Variants in RIMS2 observed in about 807,000 individuals in gnomAD.
The protein encoded by RIMS2 is regulating synaptic membrane exocytosis protein 2.
A neutral mutation model predicts 174.4 loss-of-function variants in RIMS2; 59 were observed. The ratio of observed to expected loss-of-function variants is 0.34; its 90% CI spans 0.27 to 0.42. The LOEUF (loss-of-function observed/expected upper bound fraction) is 0.42, where lower values mean the gene tolerates loss of function less well. RIMS2 is among the 10% of genes least tolerant of loss of function. The pLI is 1.00. For missense variants in RIMS2, 1,620 were observed against 1,666.3 expected (o/e 0.97, Z 0.48); for synonymous variants, 606 against 572.5 (o/e 1.06, Z -0.84).
chr8:103,940,817 A>C (rs2082351615), intron 13 of RIMS2, among the ~76,000 whole-genome samples: 1 of 150,800 alleles, frequency 6.6e-6, no homozygotes, highest in South Asian at 2.1e-4. Context: ...CGGAGCTTGC[A>C]GTGAGCCAGG....
chr8:103,760,046 G>A (rs1001820435), intron 2 of RIMS2, among the ~76,000 whole-genome samples: 1 of 152,206 alleles, frequency 6.6e-6, no homozygotes, highest in Admixed American at 6.5e-5. Flanking sequence ...TCTGGCAAGT[G>A]TGCTGTTGAC....
At chr8:103,718,547 G>C (rs2097402346) in intron 2 of RIMS2, among the ~76,000 whole-genome samples, 1 of 152,090 alleles carries the variant, frequency 6.6e-6, no homozygotes. Context: ...TGAAACTTTG[G>C]GATTACCTCC....
At chr8:103,907,435 G>A (rs1036140677) in intron 4 of RIMS2, among the ~76,000 whole-genome samples, 3 of 152,166 alleles carry the variant, frequency 2.0e-5, no homozygotes, top group Admixed American at 6.5e-5. Context: ...TATTTGATAA[G>A]TAAAAATCAT....
intron 19 of RIMS2, among the ~76,000 whole-genome samples, chr8:104,110,278 A>G (rs1294511311): frequency 6.6e-6 from 1 of 152,140 alleles, no homozygotes; most frequent in Non-Finnish European, 1.5e-5. Context: ...GGTTCCTTCC[A>G]CTTCACTGCA....
chr8:103,559,064 T>TTTTTTTTTTTTTTTTTTTTTTTTTC (rs1587729433), intron 1 of RIMS2: 1 of 146,656 alleles, frequency 6.8e-6, no homozygotes, highest in African/African-American at 2.5e-5. Context: ...AACTTTTTTT[T>TTTTTTTTTTTTTTTTTTTTTTTTTC]TTTTGCTCTC....
intron 19 of RIMS2, among the ~76,000 whole-genome samples, chr8:104,089,562 A>G (rs1236199433): frequency 6.6e-6 from 1 of 151,822 alleles, no homozygotes; most frequent in Non-Finnish European, 1.5e-5. Flanking sequence ...CTCACTGTCC[A>G]GATTTCTCAT....
rs55909886 is a variant in RIMS2, at chr8:103,933,288, G to GACACACACACAC, written c.2375+1931_2375+1942dup. ...AGCCTGGGCAACAGATCGAGACTCT[G>GACACACACACAC]ACACACACACACACACACACACACA... is the stretch of plus-strand genomic sequence containing the variant. On this transcript the variant is annotated intron_variant, in intron 12 of 23. Transcript: ENST00000504942. Among the ~76,000 whole-genome samples the GACACACACACAC allele has an allele frequency of 7.3e-3, 873 of 119,700 alleles. 11 individuals carry two copies. The highest frequency in any genetic ancestry group is 0.015 in the African/African-American group (414 of 28,272). The allele number at this position is 119,700 out of a possible 152,430, so 78.5% of individuals were successfully genotyped here.
intron 1 of RIMS2, among the ~76,000 whole-genome samples, chr8:103,593,714 C>G (rs564343282): frequency 7.9e-4 from 120 of 151,328 alleles, no homozygotes; most frequent in African/African-American, 2.7e-3. Flanking sequence ...CTCAGTAAAT[C>G]TTTTGAGAAA....
intron 19 of RIMS2, among the ~76,000 whole-genome samples, chr8:104,202,970 G>C (rs1403267224): frequency 6.6e-6 from 1 of 152,154 alleles, no homozygotes; most frequent in Non-Finnish European, 1.5e-5. Context: ...AAGATGTTGG[G>C]AAGTATGTTT....
At chr8:103,904,856 A>C (rs2074027988) in intron 4 of RIMS2, among the ~76,000 whole-genome samples, 1 of 151,268 alleles carries the variant, frequency 6.6e-6, no homozygotes, top group Non-Finnish European at 1.5e-5. Flanking sequence ...TTTTTTTTTA[A>C]ACATTTTGTG....
chr8:104,056,307 G>A (rs978805752), intron 19 of RIMS2, among the ~76,000 whole-genome samples: 3 of 151,890 alleles, frequency 2.0e-5, no homozygotes, highest in Admixed American at 2.0e-4. Context: ...AGGAGGCTGA[G>A]GCAGGAGAAT....
intron 1 of RIMS2, among the ~76,000 whole-genome samples, chr8:103,544,367 CTG>C (rs1487107562): frequency 6.6e-6 from 1 of 152,206 alleles, no homozygotes; most frequent in Non-Finnish European, 1.5e-5. Flanking sequence ...TGGGAAATAA[CTG>C]TGTAGCAGGG....
intron 3 of RIMS2, among the ~76,000 whole-genome samples, chr8:103,787,068 G>A (rs1241371480): frequency 3.2e-4 from 48 of 148,110 alleles, no homozygotes; most frequent in Non-Finnish European, 6.0e-4. Flanking sequence ...TTTAAAGTCT[G>A]TTTTATCAGA....
At chr8:104,207,819 A>T (rs559980345) in intron 19 of RIMS2, among the ~76,000 whole-genome samples, 94 of 149,542 alleles carry the variant, frequency 6.3e-4, no homozygotes, top group Middle Eastern at 3.6e-3. Flanking sequence ...TTCTCAAAAA[A>T]ATATATATAT....
At chr8:104,171,996 A>G (rs2098835241) in intron 19 of RIMS2, among the ~76,000 whole-genome samples, 1 of 152,138 alleles carries the variant, frequency 6.6e-6, no homozygotes, top group South Asian at 2.1e-4. Context: ...TGTGTGGGCA[A>G]GTTCACTGTC....
intron 3 of RIMS2, among the ~76,000 whole-genome samples, chr8:103,814,825 G>A (rs1374668064): frequency 6.6e-6 from 1 of 152,070 alleles, no homozygotes; most frequent in South Asian, 2.1e-4. Flanking sequence ...GTTACACCTG[G>A]GTGACAGAGC....
chr8:103,947,297 G>T (rs1595638614), intron 14 of RIMS2, among the ~76,000 whole-genome samples: 1 of 152,276 alleles, frequency 6.6e-6, no homozygotes, highest in East Asian at 1.9e-4. Flanking sequence ...TCATTAAGAA[G>T]ATTTTTTTAA....
At chr8:103,914,583 G>A (rs928879753) in intron 6 of RIMS2, among the ~76,000 whole-genome samples, 3 of 152,050 alleles carry the variant, frequency 2.0e-5, no homozygotes, top group African/African-American at 7.2e-5. Context: ...ATAATTTTCA[G>A]AATTAAACAT....
intron 3 of RIMS2, among the ~76,000 whole-genome samples, chr8:103,862,654 T>C (rs2099064858): frequency 6.6e-6 from 1 of 152,116 alleles, no homozygotes; most frequent in African/African-American, 2.4e-5. Context: ...TTTATCAGTG[T>C]TTTGTAGTTC....
Sources: gnomAD v4.1 joint callset for allele counts (sites outside exome capture counted in the v4.1 genomes callset) on GRCh38, gnomAD v4.1.1 for gene constraint, MANE v1.5 for transcripts, NCBI Gene and HGNC (gene_info 2026-07-23, HGNC 2026-07-21) for gene names.